The following IQCM variants were observed in gnomAD, a reference collection of about 807,000 sequenced individuals.
IQCM encodes the protein IQ domain-containing protein M.
Under a neutral mutation model 57.6 loss-of-function variants are expected in IQCM, and 45 were observed. The observed-to-expected ratio is 0.78, with a 90% CI of 0.62 to 1.00. The LOEUF is 1.00. IQCM is among the 50% of genes least tolerant of loss of function. The pLI is 0.00. For missense variants in IQCM, 468 were observed against 511.6 expected (o/e 0.91, Z 0.82); for synonymous variants, 148 against 158.9 (o/e 0.93, Z 0.51).
chr4:149,439,678 C>T (rs1037961506), intron 12 of IQCM, among the ~76,000 whole-genome samples: 3 of 151,908 alleles, frequency 2.0e-5, no homozygotes, highest in African/African-American at 7.3e-5. Flanking sequence ...ATATTTTTAT[C>T]TCTCAGTCTC....
intron 8 of IQCM, among the ~76,000 whole-genome samples, chr4:149,615,290 A>G (rs972253075): frequency 1.3e-5 from 2 of 152,182 alleles, no homozygotes; most frequent in African/African-American, 4.8e-5. Context: ...CTGCAATGTA[A>G]TATTACATTT....
chr4:149,459,247 G>A (rs1738020384), intron 12 of IQCM, among the ~76,000 whole-genome samples: 1 of 152,226 alleles, frequency 6.6e-6, no homozygotes, highest in Non-Finnish European at 1.5e-5. Context: ...CTGTGCTGAG[G>A]TTATTACATT....
At chr4:149,517,057 G>A (rs1382417847) in intron 12 of IQCM, among the ~76,000 whole-genome samples, 2 of 145,800 alleles carry the variant, frequency 1.4e-5, no homozygotes, top group Non-Finnish European at 3.0e-5. Flanking sequence ...ATCCAATCCA[G>A]GCATGACTAC....
intron 7 of IQCM, among the ~76,000 whole-genome samples, chr4:149,641,749 A>T (rs1758210667): frequency 6.6e-6 from 1 of 152,170 alleles, no homozygotes; most frequent in South Asian, 2.1e-4. Flanking sequence ...CTATTCCTTA[A>T]GTCAGATAAA....
chr4:149,684,011 A>G (rs1482373319), intron 6 of IQCM, among the ~76,000 whole-genome samples: 1 of 151,374 alleles, frequency 6.6e-6, no homozygotes, highest in Non-Finnish European at 1.5e-5. Context: ...TACAGAATGC[A>G]TTTACTGAAA....
chr4:149,738,755 T>C (rs982661916), intron 3 of IQCM, among the ~76,000 whole-genome samples: 3 of 152,148 alleles, frequency 2.0e-5, no homozygotes, highest in African/African-American at 7.2e-5. Context: ...CAGCTGGCAG[T>C]CCTGAGCCCT....
At chr4:149,596,583 A>T (rs1753802276) in intron 8 of IQCM, among the ~76,000 whole-genome samples, 1 of 152,134 alleles carries the variant, frequency 6.6e-6, no homozygotes, top group Non-Finnish European at 1.5e-5. Flanking sequence ...TAAGGCATAA[A>T]CCAAGATTTT....
intron 5 of IQCM, among the ~76,000 whole-genome samples, chr4:149,723,115 C>G (rs992663850): frequency 6.6e-6 from 1 of 151,994 alleles, no homozygotes; most frequent in Non-Finnish European, 1.5e-5. Flanking sequence ...AGCAGTGCTA[C>G]CGATTTGTGT....
chr4:149,671,936 G>A (rs1761325329), intron 7 of IQCM, among the ~76,000 whole-genome samples: 1 of 152,112 alleles, frequency 6.6e-6, no homozygotes, highest in South Asian at 2.1e-4. Context: ...CCAGAGGAAG[G>A]ATCAGGCAGC....
chr4:149,549,553 T>C (rs576436828), intron 11 of IQCM, among the ~76,000 whole-genome samples: 94 of 151,234 alleles, frequency 6.2e-4, no homozygotes, highest in African/African-American at 2.0e-3. Context: ...ATTTTATAAG[T>C]ATAGTTTTCC....
At chr4:149,649,661 G>A (rs1181781080) in intron 7 of IQCM, among the ~76,000 whole-genome samples, 4 of 151,966 alleles carry the variant, frequency 2.6e-5, no homozygotes, top group African/African-American at 9.7e-5. Context: ...AGCTTAATAG[G>A]TTTCATTTAC....
intron 5 of IQCM, among the ~76,000 whole-genome samples, chr4:149,730,229 T>G (rs1011362118): frequency 6.6e-6 from 1 of 152,198 alleles, no homozygotes; most frequent in African/African-American, 2.4e-5. Context: ...TGACCAAGTT[T>G]AAATAACTCT....
intron 9 of IQCM, among the ~76,000 whole-genome samples, chr4:149,573,944 T>C (rs1751399684): frequency 6.6e-6 from 1 of 151,920 alleles, no homozygotes; most frequent in South Asian, 2.1e-4. Context: ...ACGTTGGTAT[T>C]GACAATAGCC....
chr4:149,355,138 A>G (rs984390894), intron 13 of IQCM, among the ~76,000 whole-genome samples: 2 of 152,172 alleles, frequency 1.3e-5, no homozygotes, highest in Non-Finnish European at 2.9e-5. Context: ...TGGCAATTAT[A>G]ATATTATTAT....
intron 7 of IQCM, among the ~76,000 whole-genome samples, chr4:149,667,162 C>T (rs1334079985): frequency 6.6e-6 from 1 of 152,158 alleles, no homozygotes; most frequent in Non-Finnish European, 1.5e-5. Flanking sequence ...GGTCAACAGA[C>T]AACTCATACA....
intron 12 of IQCM, among the ~76,000 whole-genome samples, chr4:149,543,449 A>C (rs758921158): frequency 6.6e-6 from 1 of 151,890 alleles, no homozygotes; most frequent in Non-Finnish European, 1.5e-5. Context: ...ATGAGTGAGA[A>C]TATGCGGTGT....
chr4:149,476,813 C>G (rs1189453371), intron 12 of IQCM, among the ~76,000 whole-genome samples: 1 of 151,922 alleles, frequency 6.6e-6, no homozygotes, highest in Non-Finnish European at 1.5e-5. Flanking sequence ...CTTGCCCATT[C>G]ATCAGAAAAA....
intron 12 of IQCM, among the ~76,000 whole-genome samples, chr4:149,538,457 A>G (rs1447549645): frequency 2.6e-5 from 4 of 152,088 alleles, no homozygotes; most frequent in African/African-American, 7.2e-5. Flanking sequence ...AAAAGAAGGA[A>G]GTAAAGGAGG....
At chr4:149,450,061 T>C (rs547077549) in intron 12 of IQCM, among the ~76,000 whole-genome samples, 2 of 151,946 alleles carry the variant, frequency 1.3e-5, no homozygotes, top group African/African-American at 4.8e-5. Flanking sequence ...TCCACACATC[T>C]ATAGTGAACT....
Sources: gnomAD v4.1 joint callset for allele counts (sites outside exome capture counted in the v4.1 genomes callset) on GRCh38, gnomAD v4.1.1 for gene constraint, MANE v1.5 for transcripts, NCBI Gene and HGNC (gene_info 2026-07-23, HGNC 2026-07-21) for gene names.